NRK: variants seen among roughly 807,000 people sequenced by gnomAD.
NRK encodes Nik related kinase.
A neutral mutation model predicts 125.2 loss-of-function variants in NRK; 67 were observed. The observed-to-expected ratio is 0.54, with a 90% CI of 0.44 to 0.66. The LOEUF is 0.66. NRK is among the 30% of genes least tolerant of loss of function. The probability of loss-of-function intolerance (pLI) is 0.00; values close to 1 mark genes in which losing one functional copy is unlikely to be tolerated. For missense variants in NRK, 1,224 were observed against 1,192.9 expected (o/e 1.03, Z -0.38); for synonymous variants, 458 against 429.0 (o/e 1.07, Z -0.84).
intron 28 of NRK, among the ~76,000 whole-genome samples, chrX:105,954,500 CTAA>C (rs2040947723): frequency 9.1e-6 from 1 of 109,972 alleles, no homozygotes; most frequent in African/African-American, 3.3e-5. Flanking sequence ...CTGCCTTTGT[CTAA>C]TAATATTAAA....
At chrX:105,890,177 G>C (rs1168743148) in intron 5 of NRK, among the ~76,000 whole-genome samples, 1 of 111,699 alleles carries the variant, frequency 9.0e-6, no homozygotes, top group Non-Finnish European at 1.9e-5. Flanking sequence ...AATTCCGCCA[G>C]TCTCTTTGCT....
Position 105,915,820 on chromosome X carries a change from T to C in NRK, c.2417+23T>C, listed in dbSNP as rs763673179. On this transcript the variant is annotated intron_variant, in intron 15 of 28. Transcript: ENST00000243300. ...AAGGTATGTGTCTTTGATTTCTATA[T>C]TAAAATTATTCATAATTATCAAATG... The C allele has an allele frequency of 1.5e-4, 126 of 838,564 alleles. 1 individual carries two copies. In the Middle Eastern group the frequency reaches 7.6e-3, roughly 50 times the overall value. 69.1% of individuals were successfully genotyped at this position (838,564 alleles called of 1,213,427 possible).
chrX:105,861,594 G>A (rs772639016), intron 2 of NRK, among the ~76,000 whole-genome samples: 1 of 111,849 alleles, frequency 8.9e-6, no homozygotes, highest in Non-Finnish European at 1.9e-5. Flanking sequence ...TTTGCAGTTT[G>A]CCCCAGCTCC....
intron 2 of NRK, among the ~76,000 whole-genome samples, chrX:105,836,777 CCTTGAGCAAGTCA>C (rs1372421107): frequency 8.9e-6 from 1 of 112,114 alleles, no homozygotes; most frequent in Non-Finnish European, 1.9e-5. Context: ...CTAGCTATAA[CCTTGAGCAAGTCA>C]CTTAACCTAA....
intron 16 of NRK, among the ~76,000 whole-genome samples, chrX:105,920,015 T>G (rs1440797437): frequency 4.8e-5 from 5 of 104,643 alleles, no homozygotes; most frequent in African/African-American, 1.8e-4. Context: ...TCTAGGGTTT[T>G]TATGGTTTTA....
chrX:105,949,627 G>A lies in NRK; in HGVS notation c.4406G>A (p.Gly1469Glu), dbSNP rs769878018. Residue 1469 changes from glycine to glutamate, a missense_variant, in exon 27 of 29, where the codon GGA becomes GAA. Coordinates refer to ENST00000243300, the MANE Select transcript of NRK (RefSeq NM_198465.4). ...ATCATCATTTTACCTGATTGCTTGGGAATTGGCATGATGCTCACCTTCAAT... is the reference window on the plus strand; with the variant it reads ...ATCATCATTTTACCTGATTGCTTGGAAATTGGCATGATGCTCACCTTCAAT... ...QNIIILPDCL[G>E]IGMMLTFNAE... 5 of 1,190,645 alleles carry A rather than the reference G, an allele frequency of 4.2e-6. No homozygotes were observed. The African/African-American group carries it at 8.9e-5, about 21-fold the overall frequency.
chrX:105,931,649 A>G (rs776658455), intron 19 of NRK, among the ~76,000 whole-genome samples: 12 of 110,594 alleles, frequency 1.1e-4, no homozygotes, highest in African/African-American at 4.0e-4. Context: ...TTGAGATTCC[A>G]TGCTACACAG....
Position 105,953,176 on chromosome X carries a change from A to G in NRK, c.4653+3A>G, listed in dbSNP as rs762900154. On this transcript the variant is annotated splice_donor_region_variant and intron_variant, in intron 28 of 28. Coordinates refer to ENST00000243300, the MANE Select transcript of NRK (RefSeq NM_198465.4). Reference sequence around the variant, plus strand: ...TCCTGTGCACCCGGGGTGACAAGGTATAGCTTACACCCTCCAGTTACAGCA... The same window carrying G: ...TCCTGTGCACCCGGGGTGACAAGGTGTAGCTTACACCCTCCAGTTACAGCA... 8.6e-7 allele frequency: 1 copy of G among 1,162,528 alleles called. No homozygotes were observed. The highest frequency in any genetic ancestry group is 2.3e-5 in the Admixed American group (1 of 43,614).
Position 105,908,259 on chromosome X carries a change from A to G in NRK, c.1041A>G (p.Glu347=). The change falls in exon 12 of 29, where the codon GAA becomes GAG. Residue 347 remains glutamate (E), a synonymous_variant. Coordinates refer to ENST00000243300, the MANE Select transcript of NRK (RefSeq NM_198465.4). ...AAAAAGGAATACCTTTGATCTTTGA[A>G]AGAGAAGAAGCTATTAAGGAACAGT... ...RQKKGIPLIF[E]REEAIKEQYT... is the part of the protein sequence containing the mutation. 1 of 1,102,927 alleles carries G rather than the reference A, an allele frequency of 9.1e-7. No individual in the cohort carries two copies. Among genetic ancestry groups the G allele is most frequent in the Non-Finnish European group, 1.2e-6 (1 of 822,441 alleles). 90.9% of individuals were successfully genotyped at this position (1,102,927 alleles called of 1,213,427 possible).
intron 5 of NRK, among the ~76,000 whole-genome samples, chrX:105,889,345 C>T (rs1292864): frequency 2.0e-5 from 1 of 50,867 alleles, no homozygotes; most frequent in Admixed American, 3.3e-4. Flanking sequence ...GGCTTTGCAG[C>T]GTACAGCTCC....
At chrX:105,913,569 T>C (rs1286645769) in intron 14 of NRK, among the ~76,000 whole-genome samples, 1 of 111,760 alleles carries the variant, frequency 8.9e-6, no homozygotes, top group African/African-American at 3.2e-5. Flanking sequence ...AATTCTAATT[T>C]TCCTTTGCAA....
At position 105,945,978 on chromosome X, in the gene NRK, A is replaced by G. The variant is rs1332863759; in HGVS notation, c.4166A>G (p.Lys1389Arg). ...GCAGCTGATCCAGTGAACCGGTTTA[A>G]GAGACCAGATGAGCTCCTTCATTTG... ...IQAADPVNRFKRPDELLHLLK... is the reference protein window; with the variant it reads ...IQAADPVNRFRRPDELLHLLK... The change falls in exon 25 of 29, where the codon AAG becomes AGG. Residue 1389 changes from lysine (K) to arginine (R), a missense_variant. By Grantham distance (26) the Lys-to-Arg change is conservative. Coordinates refer to ENST00000243300, the MANE Select transcript of NRK (RefSeq NM_198465.4). The G allele has an allele frequency of 1.7e-6, 2 of 1,210,856 alleles. No individual in the cohort carries two copies. Among genetic ancestry groups the G allele is most frequent in the East Asian group, 3.0e-5 (1 of 33,827 alleles).
At chrX:105,886,518 A>G (rs942755632) in intron 4 of NRK, among the ~76,000 whole-genome samples, 7 of 103,638 alleles carry the variant, frequency 6.8e-5, no homozygotes, top group Non-Finnish European at 9.8e-5. Flanking sequence ...ATAATTATAT[A>G]TATATACGTG....
chrX:105,894,174 G>A (rs944738171), intron 6 of NRK, among the ~76,000 whole-genome samples: 3 of 111,567 alleles, frequency 2.7e-5, no homozygotes, highest in African/African-American at 6.5e-5. Flanking sequence ...TACCTCTGTC[G>A]GATTAAGACT....
chrX:105,907,889 C>G (rs1316317798), intron 11 of NRK: 4 of 124,163 alleles, frequency 3.2e-5, no homozygotes, highest in Non-Finnish European at 6.5e-5. Context: ...GTCCTTACAT[C>G]TAGAGCCCAC....
At chrX:105,919,932 C>T (rs2040416810) in intron 16 of NRK, among the ~76,000 whole-genome samples, 1 of 105,705 alleles carries the variant, frequency 9.5e-6, no homozygotes, top group African/African-American at 3.5e-5. Context: ...CTTTTGTTGC[C>T]ATTGCTTTTG....
chrX:105,940,153 G>A (rs1476837084), intron 23 of NRK, 121 bp downstream of exon 23: 4 of 502,042 alleles, frequency 8.0e-6, no homozygotes, highest in African/African-American at 7.4e-5. Flanking sequence ...AAATACAGAC[G>A]AGATCAGGGA....
chrX:105,938,012 A>G (rs995412595), intron 22 of NRK, among the ~76,000 whole-genome samples: 1 of 111,896 alleles, frequency 8.9e-6, no homozygotes, highest in East Asian at 2.8e-4. Flanking sequence ...ACAAGGGCCT[A>G]CAGGTAGAGT....
chrX:105,924,991 T>A lies in NRK; in HGVS notation c.3272T>A (p.Leu1091Ter). The A allele has an allele frequency of 8.3e-7, 1 of 1,209,962 alleles. No homozygotes were observed. The highest frequency in any genetic ancestry group is 1.1e-6 in the Non-Finnish European group (1 of 894,060). Reference protein sequence around the residue: ...ENCSETDGPGLKRPASQDFEY... With the variant: ...ENCSETDGPG ...TGCTCAGAGACAGATGGTCCAGGAT[T>A]GAAGAGACCTGCGTCTCAGGACTTT... Residue 1091 changes from leucine (L) to a stop codon, truncating the protein, a stop_gained, in exon 19 of 29, where the codon TTG becomes TAG. Transcript: ENST00000243300. LOFTEE classifies it high-confidence loss of function.
Sources: allele counts gnomAD v4.1 joint callset (sites outside exome capture counted in the v4.1 genomes callset), GRCh38; gene constraint gnomAD v4.1.1; transcripts MANE v1.5; gene names NCBI Gene and HGNC (gene_info 2026-07-23, HGNC 2026-07-21).